PDE7B: variants seen among roughly 807,000 people sequenced by gnomAD.
PDE7B encodes the protein 3',5'-cyclic-AMP phosphodiesterase 7B.
A neutral mutation model predicts 56.2 loss-of-function variants in PDE7B; 29 were observed. The observed-to-expected ratio is 0.52, with a 90% CI of 0.38 to 0.70. PDE7B has a LOEUF of 0.70. Ranked by LOEUF, PDE7B falls within the 30% of genes least tolerant of loss-of-function variation. PDE7B has a pLI of 0.00. For synonymous variants in PDE7B, 197 were observed against 196.9 expected, an observed-to-expected ratio of 1.00 and a Z score of 0.00; for missense variants, 490 against 565.0, an observed-to-expected ratio of 0.87 and a Z score of 1.35.
chr6:136,176,875 A>G (rs1583926467), intron 9 of PDE7B, among the ~76,000 whole-genome samples: 1 of 152,196 alleles, frequency 6.6e-6, no homozygotes, highest in East Asian at 1.9e-4. Flanking sequence ...GGGAGAAATA[A>G]TATCACATTG....
intron 2 of PDE7B, among the ~76,000 whole-genome samples, chr6:135,998,312 T>A (rs1297274358): frequency 6.6e-6 from 1 of 152,210 alleles, no homozygotes; most frequent in East Asian, 1.9e-4. Context: ...GACTATGGTA[T>A]AACACATTGT....
chr6:136,188,682 CTGT>C (rs1188393384), intron 12 of PDE7B, among the ~76,000 whole-genome samples: 1 of 152,150 alleles, frequency 6.6e-6, no homozygotes, highest in African/African-American at 2.4e-5. Context: ...AGATTCTGTC[CTGT>C]TGTTGTCATG....
At chr6:136,142,021 T>A (rs1443966600) in intron 3 of PDE7B, among the ~76,000 whole-genome samples, 1 of 152,200 alleles carries the variant, frequency 6.6e-6, no homozygotes, top group Non-Finnish European at 1.5e-5. Flanking sequence ...TGCTCTTGCT[T>A]CTCTAGTTCT....
At chr6:135,874,844 T>G (rs1775460627) in intron 1 of PDE7B, among the ~76,000 whole-genome samples, 1 of 152,158 alleles carries the variant, frequency 6.6e-6, no homozygotes, top group Non-Finnish European at 1.5e-5. Flanking sequence ...AAATTAAAAT[T>G]TCCTGCTATG....
At chr6:135,942,666 G>A (rs1774525676) in intron 1 of PDE7B, among the ~76,000 whole-genome samples, 1 of 151,896 alleles carries the variant, frequency 6.6e-6, no homozygotes, top group African/African-American at 2.4e-5. Flanking sequence ...AACATCCCAA[G>A]CTCCTGGTAA....
intron 1 of PDE7B, among the ~76,000 whole-genome samples, chr6:135,903,624 T>C (rs1341959486): frequency 6.6e-6 from 1 of 152,192 alleles, no homozygotes; most frequent in Non-Finnish European, 1.5e-5. Context: ...TGCCTTCAAG[T>C]TCAGGGCCAA....
At chr6:135,854,924 G>A (rs1461283728) in intron 1 of PDE7B, among the ~76,000 whole-genome samples, 1 of 152,186 alleles carries the variant, frequency 6.6e-6, no homozygotes, top group African/African-American at 2.4e-5. Context: ...GTTCTTATGT[G>A]TGGTCAAGGC....
chr6:135,909,839 C>G (rs1435921745), intron 1 of PDE7B, among the ~76,000 whole-genome samples: 1 of 152,120 alleles, frequency 6.6e-6, no homozygotes, highest in Non-Finnish European at 1.5e-5. Flanking sequence ...CAAGGTACAG[C>G]ATTGCAAGGT....
In PDE7B at chr6:136,193,125, T is replaced by G. The variant is rs988968201; in HGVS notation, c.*1285T>G. 4.6e-5 allele frequency: 7 copies of G among 152,638 alleles called. No individual in the cohort carries two copies. The highest frequency in any genetic ancestry group is 1.7e-4 in the African/African-American group (7 of 41,462). 9.5% of individuals were successfully genotyped at this position (152,638 alleles called of 1,614,324 possible). A position where few individuals can be genotyped will look rare whatever the true frequency, so the allele number is the denominator to read the frequency against. On this transcript the variant is annotated 3_prime_UTR_variant, in exon 13 of 13. Transcript: ENST00000308191. ...TTTATGTGACTCTTGTTACAGATCA[T>G]GGCGGTGCGTCAGCCTCACAGGAGA...
intron 1 of PDE7B, among the ~76,000 whole-genome samples, chr6:135,907,625 T>C (rs1776139090): frequency 6.6e-6 from 1 of 152,110 alleles, no homozygotes; most frequent in Non-Finnish European, 1.5e-5. Context: ...ATGTACAACA[T>C]TAACTGTTTC....
intron 9 of PDE7B, among the ~76,000 whole-genome samples, chr6:136,176,371 C>T (rs1156294917): frequency 6.6e-6 from 1 of 151,948 alleles, no homozygotes; most frequent in African/African-American, 2.4e-5. Context: ...TAGATCTTTT[C>T]AGTTTATTTT....
intron 1 of PDE7B, among the ~76,000 whole-genome samples, chr6:135,867,536 T>C (rs1170292896): frequency 1.3e-5 from 2 of 152,150 alleles, no homozygotes; most frequent in African/African-American, 2.4e-5. Context: ...ACCCAAGTAT[T>C]AAGCCTACTA....
At chr6:136,167,285 T>C (rs1308486744) in intron 8 of PDE7B, among the ~76,000 whole-genome samples, 1 of 152,182 alleles carries the variant, frequency 6.6e-6, no homozygotes, top group East Asian at 1.9e-4. Flanking sequence ...GTTTATTGCC[T>C]GTCTCTCCCC....
chr6:136,135,944 C>T (rs1461119311), intron 3 of PDE7B, among the ~76,000 whole-genome samples: 2 of 152,120 alleles, frequency 1.3e-5, no homozygotes. Flanking sequence ...GTTTTCTACA[C>T]ACAACCTCTT....
rs114601022 is a variant in PDE7B, at chr6:136,183,241, A to G, written c.1045+1918A>G. ...TCCTGGCAGAGGAAGAATAGAAAGT[A>G]TATCTAGTCCTTTTTATTTAATAGC... On this transcript the variant is annotated intron_variant, in intron 11 of 12. Transcript: ENST00000308191. Among the ~76,000 whole-genome samples, 819 of 152,232 alleles carry G rather than the reference A, an allele frequency of 5.4e-3. 7 individuals carry two copies. Among genetic ancestry groups the G allele is most frequent in the African/African-American group, 0.018 (762 of 41,530 alleles).
chr6:135,978,365 ATGAGTGAG>A (rs141041162), intron 2 of PDE7B, among the ~76,000 whole-genome samples: 3 of 151,880 alleles, frequency 2.0e-5, no homozygotes, highest in Non-Finnish European at 4.4e-5. Flanking sequence ...ATTGCTGTGG[ATGAGTGAG>A]TGAGTGAGTG....
intron 2 of PDE7B, among the ~76,000 whole-genome samples, chr6:136,051,763 T>C (rs1384320832): frequency 6.6e-6 from 1 of 152,230 alleles, no homozygotes; most frequent in Non-Finnish European, 1.5e-5. Flanking sequence ...TTTCTTACCA[T>C]ATCCAAAGTA....
chr6:136,067,029 A>G (rs546819228), intron 2 of PDE7B, among the ~76,000 whole-genome samples: 1 of 151,970 alleles, frequency 6.6e-6, no homozygotes, highest in East Asian at 1.9e-4. Context: ...CTAATTTAAT[A>G]TTTTTTATAG....
intron 2 of PDE7B, among the ~76,000 whole-genome samples, chr6:136,037,129 C>A (rs1482688612): frequency 6.6e-6 from 1 of 152,216 alleles, no homozygotes; most frequent in Non-Finnish European, 1.5e-5. Context: ...CAACAGTGCT[C>A]TCCCTCCAGA....
Sources: gnomAD v4.1 joint callset for allele counts (sites outside exome capture counted in the v4.1 genomes callset) on GRCh38, gnomAD v4.1.1 for gene constraint, MANE v1.5 for transcripts, NCBI Gene and HGNC (gene_info 2026-07-23, HGNC 2026-07-21) for gene names.